CRACDL: variants seen among roughly 807,000 people sequenced by gnomAD.
The protein encoded by CRACDL is CRACD-like protein.
In CRACDL, 26 loss-of-function variants were observed where a neutral mutation model predicts 70.6. That is an observed-to-expected ratio of 0.37 (90% CI 0.27 to 0.51). The LOEUF (loss-of-function observed/expected upper bound fraction) is 0.51. Among genes scored for constraint, CRACDL ranks in the 20% least tolerant of loss-of-function variants. The probability of loss-of-function intolerance (pLI) is 0.94; values close to 1 mark genes in which losing one functional copy is unlikely to be tolerated. For missense variants in CRACDL, 1,283 were observed against 1,376.9 expected (o/e 0.93, Z 1.08); for synonymous variants, 618 against 615.2 (o/e 1.00, Z -0.07).
At chr2:98,869,169 G>T in intron 1 of CRACDL, 1 of 1,304,340 alleles carries the variant, frequency 7.7e-7, no homozygotes, top group East Asian at 5.5e-5. Flanking sequence ...GAAGCTAGCA[G>T]CAGGGAGAAG....
At chr2:98,837,230 C>T (rs1705834248) in intron 3 of CRACDL, among the ~76,000 whole-genome samples, 2 of 144,052 alleles carry the variant, frequency 1.4e-5, no homozygotes, top group Non-Finnish European at 3.0e-5. Context: ...AAAAAGGTTC[C>T]AATCTTTCCT....
rs1707255321 is a variant in CRACDL at position 98,869,232 on chromosome 2, T to G, written c.-10-22422A>C. 3 of 1,293,618 alleles carry G rather than the reference T, an allele frequency of 2.3e-6. No homozygotes were observed. In the South Asian group the frequency reaches 3.8e-5, roughly 16 times the overall value. 80.1% of individuals were successfully genotyped at this position (1,293,618 alleles called of 1,614,324 possible). On this transcript the variant is annotated intron_variant, in intron 1 of 9. Transcript: ENST00000397899. ...CTAGGGCCCACGGGTCACCACTGGT[T>G]GCTGATCAAGAGCCCTTGTCCCCAT...
intron 1 of CRACDL, among the ~76,000 whole-genome samples, chr2:98,896,800 T>G (rs943633456): frequency 6.6e-6 from 1 of 152,204 alleles, no homozygotes; most frequent in Admixed American, 6.5e-5. Context: ...AGCCATGGTT[T>G]TTAGTTTCTG....
chr2:98,927,110 G>A (rs186398662), intron 1 of CRACDL, among the ~76,000 whole-genome samples: 1 of 152,318 alleles, frequency 6.6e-6, no homozygotes, highest in East Asian at 1.9e-4. Flanking sequence ...GAGGCTTCAG[G>A]GCTCACGTCA....
At chr2:98,804,536 A>G (rs1229787832) in intron 7 of CRACDL, among the ~76,000 whole-genome samples, 2 of 152,144 alleles carry the variant, frequency 1.3e-5, no homozygotes, top group Non-Finnish European at 2.9e-5. Flanking sequence ...CACCGTATAC[A>G]GTATCTTTTT....
intron 1 of CRACDL, among the ~76,000 whole-genome samples, chr2:98,848,649 T>A (rs1373736047): frequency 6.6e-6 from 1 of 152,190 alleles, no homozygotes; most frequent in East Asian, 1.9e-4. Flanking sequence ...ATGAGAACAT[T>A]TTTAGCTCAC....
intron 9 of CRACDL, 136 bp from the exon 10 acceptor site, chr2:98,794,807 C>T (rs1481582222): frequency 1.6e-6 from 1 of 643,618 alleles, no homozygotes; most frequent in African/African-American, 1.8e-5. Context: ...AATATGTCAA[C>T]ATGTAAGGAA....
At chr2:98,848,746 T>C (rs1480047569) in intron 1 of CRACDL, among the ~76,000 whole-genome samples, 1 of 152,106 alleles carries the variant, frequency 6.6e-6, no homozygotes, top group Non-Finnish European at 1.5e-5. Context: ...GCCACCACAC[T>C]TGGCTAATTT....
intron 5 of CRACDL, among the ~76,000 whole-genome samples, chr2:98,830,452 C>A (rs1705494003): frequency 6.6e-6 from 1 of 152,146 alleles, no homozygotes; most frequent in Non-Finnish European, 1.5e-5. Flanking sequence ...CATCAAATAC[C>A]ACATATTCTA....
At chr2:98,817,325 T>C (rs1704824027) in intron 7 of CRACDL, among the ~76,000 whole-genome samples, 1 of 152,188 alleles carries the variant, frequency 6.6e-6, no homozygotes, top group African/African-American at 2.4e-5. Flanking sequence ...ATTGTACATT[T>C]TAAAATTTAA....
At chr2:98,869,079 TG>T (rs1216959503) in intron 1 of CRACDL, 1 of 1,303,870 alleles carries the variant, frequency 7.7e-7, no homozygotes, top group Non-Finnish European at 1.0e-6. Flanking sequence ...AGGGCCCACC[TG>T]GGGTCAGGCC....
intron 1 of CRACDL, among the ~76,000 whole-genome samples, chr2:98,917,449 G>A (rs1400753331): frequency 1.3e-5 from 2 of 152,220 alleles, no homozygotes; most frequent in African/African-American, 4.8e-5. Flanking sequence ...GCATATGAGA[G>A]TCCTTGCCAA....
chr2:98,796,192 G>C lies in CRACDL; in HGVS notation c.2677C>G (p.Arg893Gly). ...LITPVKPAVDRKQGAKLNFKE... is the reference protein window; with the variant it reads ...LITPVKPAVDGKQGAKLNFKE... Reference sequence around the variant, plus strand: ...AAGTTGAGCTTTGCCCCCTGCTTCCGGTCCACAGCGGGCTTCACAGGGGTT... The same window carrying C: ...AAGTTGAGCTTTGCCCCCTGCTTCCCGTCCACAGCGGGCTTCACAGGGGTT... Residue 893 changes from arginine (R) to glycine (G), a missense_variant, in exon 9 of 10, where the codon CGG becomes GGG. Coordinates refer to ENST00000397899, the MANE Select transcript of CRACDL (RefSeq NM_207362.3). 1 of 1,613,930 alleles carries C rather than the reference G, an allele frequency of 6.2e-7. No homozygotes were observed. The highest frequency in any genetic ancestry group is 8.5e-7 in the Non-Finnish European group (1 of 1,179,810).
intron 6 of CRACDL, among the ~76,000 whole-genome samples, chr2:98,826,192 A>G (rs1182282081): frequency 6.6e-6 from 1 of 152,190 alleles, no homozygotes; most frequent in Non-Finnish European, 1.5e-5. Context: ...ACTAGGAGGT[A>G]ACGACACCCT....
rs533138751 is a variant in CRACDL at position 98,853,033 on chromosome 2, G to A, written c.-10-6223C>T. 1.7e-4 allele frequency among the ~76,000 whole-genome samples: 22 copies of A among 131,198 alleles called. 1 individual carries two copies. The South Asian group carries it at 6.8e-3, about 41-fold the overall frequency. 86.1% of individuals were successfully genotyped at this position (131,198 alleles called of 152,430 possible). The stretch of plus-strand genomic sequence containing the variant: ...GAGGGGAGGGGAAGGGAAGGGAAAG[G>A]GAAGGGAAGGGGAAAGGGAAGGGGG... On this transcript the variant is annotated intron_variant, in intron 1 of 9. Coordinates refer to ENST00000397899, the MANE Select transcript of CRACDL (RefSeq NM_207362.3).
intron 3 of CRACDL, among the ~76,000 whole-genome samples, chr2:98,837,856 A>C (rs1705864240): frequency 6.6e-6 from 1 of 152,198 alleles, no homozygotes; most frequent in African/African-American, 2.4e-5. Flanking sequence ...GATGTTGGGC[A>C]AGTTCTAAAT....
chr2:98,918,649 T>C (rs1327859852), intron 1 of CRACDL, among the ~76,000 whole-genome samples: 2 of 151,946 alleles, frequency 1.3e-5, no homozygotes, highest in Non-Finnish European at 2.9e-5. Context: ...TAAGATGATA[T>C]CTCATTGTGC....
chr2:98,812,647 C>G (rs1002428411), intron 7 of CRACDL, among the ~76,000 whole-genome samples: 4 of 151,504 alleles, frequency 2.6e-5, no homozygotes, highest in Admixed American at 2.6e-4. Flanking sequence ...CATCTGTACA[C>G]TTTCTCTGGT....
At chr2:98,802,322 G>A (rs747485541) in intron 7 of CRACDL, among the ~76,000 whole-genome samples, 1 of 152,246 alleles carries the variant, frequency 6.6e-6, no homozygotes, top group South Asian at 2.1e-4. Flanking sequence ...GTGTTACAGC[G>A]AGCCTGGCCA....
Sources: allele counts gnomAD v4.1 joint callset (sites outside exome capture counted in the v4.1 genomes callset), GRCh38; gene constraint gnomAD v4.1.1; transcripts MANE v1.5; gene names NCBI Gene and HGNC (gene_info 2026-07-23, HGNC 2026-07-21).